DAPK2: variants seen among roughly 807,000 people sequenced by gnomAD.
DAPK2 encodes death associated protein kinase 2.
Under a neutral mutation model 44.1 loss-of-function variants are expected in DAPK2, and 35 were observed. The ratio of observed to expected loss-of-function variants is 0.79; its 90% CI spans 0.61 to 1.05. The LOEUF is 1.05. Among genes scored for constraint, DAPK2 ranks in the 50% least tolerant of loss-of-function variants. The pLI is 0.00. For missense variants in DAPK2, 453 were observed against 483.2 expected, an observed-to-expected ratio of 0.94 and a Z score of 0.59; for synonymous variants, 174 against 182.6, an observed-to-expected ratio of 0.95 and a Z score of 0.38.
chr15:64,039,718 G>A (rs558767609), intron 1 of DAPK2, among the ~76,000 whole-genome samples: 7 of 152,278 alleles, frequency 4.6e-5, no homozygotes, highest in East Asian at 3.9e-4. Flanking sequence ...GATGGGGCTC[G>A]TGTGGCTGGT....
chr15:63,988,797 C>T (rs1048249379), intron 1 of DAPK2, among the ~76,000 whole-genome samples: 8 of 152,016 alleles, frequency 5.3e-5, no homozygotes, highest in South Asian at 2.1e-4. Flanking sequence ...TGAGCCACCG[C>T]GCCCGGCCAG....
Position 63,939,906 on chromosome 15 carries a change from C to T in DAPK2, c.454-545G>A, listed in dbSNP as rs1233799938. ...ACTGTGTAGCCCACACTTCTCTCTG[C>T]GTTTAACTAATTTTGGTCCTCAGCA... On this transcript the variant is annotated intron_variant, in intron 3 of 10. Coordinates refer to ENST00000261891, the Ensembl canonical transcript of DAPK2. This position sits in a 1 kb window ranked among gnomAD's most constrained non-coding sequence, Gnocchi z 4.3. Among the ~76,000 whole-genome samples the T allele has an allele frequency of 1.3e-5, 2 of 152,226 alleles. No individual in the cohort carries two copies. Among genetic ancestry groups the T allele is most frequent in the African/African-American group, 2.4e-5 (1 of 41,458 alleles).
chr15:63,913,492 G>A lies in DAPK2; in HGVS notation c.859-1295C>T, dbSNP rs112471312. Reference sequence around the variant, plus strand: ...TGAACTGCCTAGAATGATTCCAAAGGTCCCGGGCAGCTCTGGTTTTCTCTC... The same window carrying A: ...TGAACTGCCTAGAATGATTCCAAAGATCCCGGGCAGCTCTGGTTTTCTCTC... On this transcript the variant is annotated intron_variant, in intron 8 of 10. Transcript: ENST00000261891. Among the ~76,000 whole-genome samples the A allele has an allele frequency of 8.7e-4, 132 of 152,242 alleles. 1 individual carries two copies. The highest frequency in any genetic ancestry group is 3.1e-3 in the African/African-American group (129 of 41,540).
Position 63,939,928 on chromosome 15 carries a change from A to G in DAPK2, c.454-567T>C, listed in dbSNP as rs984882466. Among the ~76,000 whole-genome samples the G allele has an allele frequency of 2.6e-5, 4 of 152,236 alleles. No individual in the cohort carries two copies. Among genetic ancestry groups the G allele is most frequent in the African/African-American group, 9.6e-5 (4 of 41,458 alleles). ...CTGCGTTTAACTAATTTTGGTCCTC[A>G]GCAGGACACAGGAAAAATGCACCCG... On this transcript the variant is annotated intron_variant, in intron 3 of 10. Transcript: ENST00000261891. This position sits in a 1 kb window ranked among gnomAD's most constrained non-coding sequence, Gnocchi z 4.3.
intron 6 of DAPK2, among the ~76,000 whole-genome samples, chr15:63,929,084 C>T (rs917049360): frequency 2.0e-5 from 3 of 151,926 alleles, no homozygotes; most frequent in Non-Finnish European, 4.4e-5. Context: ...CCTGTAATCC[C>T]GGTTACTCGG....
chr15:63,926,162 G>A (rs980673137), intron 6 of DAPK2, 69 bp from the exon 8 acceptor site: 4 of 1,533,724 alleles, frequency 2.6e-6, no homozygotes, highest in East Asian at 2.3e-5. Context: ...ACGGACTCGG[G>A]GAACCCTGCC....
At chr15:64,044,574 C>T (rs532346389), upstream of DAPK2, among the ~76,000 whole-genome samples, 3 of 152,258 alleles carry the variant, frequency 2.0e-5, no homozygotes, top group South Asian at 4.2e-4. Flanking sequence ...TGACCCATCC[C>T]GCTCCTCTTC....
At position 63,921,927 on chromosome 15, in the gene DAPK2, G is replaced by A. The variant is rs955913675; in HGVS notation, c.858+2889C>T. 2.6e-5 allele frequency: 4 copies of A among 152,246 alleles called. No individual in the cohort carries two copies. In the East Asian group the frequency reaches 7.7e-4, roughly 29 times the overall value. 9.4% of individuals were successfully genotyped at this position (152,246 alleles called of 1,614,324 possible). ...CTGGGACAATCATCTGCAGGTGTAT[G>A]CATTCCACCTACACCTGGCAGAATA... On this transcript the variant is annotated intron_variant, in intron 8 of 10. Transcript: ENST00000261891.
chr15:64,043,280 T>C (rs190590198), upstream of DAPK2, among the ~76,000 whole-genome samples: 361 of 152,372 alleles, frequency 2.4e-3, no homozygotes, highest in Non-Finnish European at 4.1e-3. Context: ...TGCATGCAGA[T>C]GTTTTCCCAA....
intron 1 of DAPK2, among the ~76,000 whole-genome samples, chr15:63,998,806 G>T (rs528314144): frequency 1.3e-5 from 2 of 152,308 alleles, no homozygotes; most frequent in South Asian, 4.1e-4. Flanking sequence ...AGTGCTGCTT[G>T]TTCACTGTTG....
chr15:64,040,360 C>A (rs916092978), upstream of DAPK2: 9 of 951,284 alleles, frequency 9.5e-6, no homozygotes, highest in East Asian at 2.2e-4. Context: ...TGCAAGGGAG[C>A]TAATAATTTA....
intron 2 of DAPK2, among the ~76,000 whole-genome samples, chr15:63,975,625 G>A (rs897926517): frequency 4.7e-5 from 7 of 150,000 alleles, no homozygotes; most frequent in African/African-American, 1.7e-4. Flanking sequence ...TTGAGACAGA[G>A]TCTCATTCTG....
chr15:63,977,950 C>T (rs1421022032), intron 2 of DAPK2, among the ~76,000 whole-genome samples: 1 of 152,234 alleles, frequency 6.6e-6, no homozygotes, highest in Non-Finnish European at 1.5e-5. Context: ...GCCCCAGGCA[C>T]TGGGCAGTCC....
intron 8 of DAPK2, chr15:63,922,912 C>T: frequency 6.5e-7 from 1 of 1,535,938 alleles, no homozygotes. Context: ...GCTCCTGCCT[C>T]AGAATCTCAA....
chr15:63,926,926 T>A (rs1283527657), intron 6 of DAPK2, among the ~76,000 whole-genome samples: 1 of 152,184 alleles, frequency 6.6e-6, no homozygotes, highest in African/African-American at 2.4e-5. Context: ...ATTTACTAAA[T>A]ATCTCTTGAA....
chr15:64,007,154 G>A (rs116061143), intron 1 of DAPK2, among the ~76,000 whole-genome samples: 1 of 151,768 alleles, frequency 6.6e-6, no homozygotes, highest in African/African-American at 2.4e-5. Flanking sequence ...TTTTAGAGAC[G>A]GGGTCTCACT....
At chr15:64,036,319 GTATATATATATATATATACATATATA>G (rs2080196363) in intron 1 of DAPK2, among the ~76,000 whole-genome samples, 1 of 56,660 alleles carries the variant, frequency 1.8e-5, no homozygotes, top group Non-Finnish European at 4.0e-5. Context: ...GTATATATAT[GTATATATATATATATATACATATATA>G]TATATATATT....
intron 1 of DAPK2, among the ~76,000 whole-genome samples, chr15:64,011,268 G>A (rs907891394): frequency 6.6e-6 from 1 of 152,142 alleles, no homozygotes; most frequent in Non-Finnish European, 1.5e-5. Context: ...AGAGAGTAAA[G>A]ATGATCTCAA....
intron 3 of DAPK2, among the ~76,000 whole-genome samples, chr15:63,947,795 C>T (rs898898908): frequency 1.3e-5 from 2 of 152,092 alleles, no homozygotes; most frequent in African/African-American, 4.8e-5. Flanking sequence ...ACCACATTTC[C>T]AGGCCCTGCC....
Sources: gnomAD v4.1 joint callset for allele counts (sites outside exome capture counted in the v4.1 genomes callset) on GRCh38, gnomAD v4.1.1 for gene constraint, Gnocchi (gnomAD v3.1) non-coding constraint, MANE v1.5 for transcripts, NCBI Gene and HGNC (gene_info 2026-07-23, HGNC 2026-07-21) for gene names.